AUTS2: variants seen among roughly 807,000 people sequenced by gnomAD.
AUTS2 encodes activator of transcription and developmental regulator AUTS2.
Under a neutral mutation model 112.4 loss-of-function variants are expected in AUTS2, and 17 were observed. The ratio of observed to expected loss-of-function variants is 0.15; its 90% CI spans 0.10 to 0.23. AUTS2 has a LOEUF of 0.23. Ranked by LOEUF, AUTS2 falls within the 10% of genes least tolerant of loss-of-function variation. AUTS2 has a pLI of 1.00. For missense variants in AUTS2, 1,510 were observed against 1,701.6 expected (o/e 0.89, Z 1.98); for synonymous variants, 751 against 702.7 (o/e 1.07, Z -1.09).
chr7:69,738,502 C>T (rs1235551103), intron 1 of AUTS2, among the ~76,000 whole-genome samples: 1 of 152,050 alleles, frequency 6.6e-6, no homozygotes, highest in African/African-American at 2.4e-5. Context: ...GCCATCTGTT[C>T]CCTCTCCCCA....
chr7:70,593,146 C>G (rs1212094962), intron 5 of AUTS2, among the ~76,000 whole-genome samples: 1 of 152,112 alleles, frequency 6.6e-6, no homozygotes, highest in Non-Finnish European at 1.5e-5. Flanking sequence ...ACCACCATGC[C>G]TGACCTGACT....
rs751414358 is a variant in AUTS2, at chr7:70,790,042, C to T, written c.2826C>T (p.Pro942=). ...EAKQLARVPS[P]YVRTPVVESA... ...AGCAGCTGGCCCGGGTGCCGTCTCCCTACGTGCGGACCCCGGTGGTGGAGA... is the reference window on the plus strand; with the variant it reads ...AGCAGCTGGCCCGGGTGCCGTCTCCTTACGTGCGGACCCCGGTGGTGGAGA... Residue 942 remains proline, a synonymous_variant, in exon 19 of 19, where the codon CCC becomes CCT. Transcript: ENST00000342771. This position sits in a 1 kb window ranked among gnomAD's most constrained non-coding sequence, Gnocchi z 7.6. 6.3e-7 allele frequency: 1 copy of T among 1,581,592 alleles called. No homozygotes were observed. The highest frequency in any genetic ancestry group is 8.6e-7 in the Non-Finnish European group (1 of 1,165,086).
chr7:69,734,655 T>C (rs1047263640), intron 1 of AUTS2, among the ~76,000 whole-genome samples: 6 of 151,614 alleles, frequency 4.0e-5, no homozygotes, highest in African/African-American at 1.2e-4. Flanking sequence ...GTTTTTTTTT[T>C]CCCCATAATG....
At chr7:69,825,822 C>G (rs572157664) in intron 1 of AUTS2, 1 of 152,332 alleles carries the variant, frequency 6.6e-6, no homozygotes, top group Non-Finnish European at 1.5e-5. Flanking sequence ...AGGCATAAAA[C>G]TGATCCTTGG....
chr7:69,716,707 A>G (rs1332499046), intron 1 of AUTS2, among the ~76,000 whole-genome samples: 4 of 152,084 alleles, frequency 2.6e-5, no homozygotes, highest in Admixed American at 6.6e-5. Flanking sequence ...CCGACTTCAG[A>G]CACCAATTGC....
At chr7:69,671,515 G>GTC (rs1796326464) in intron 1 of AUTS2, among the ~76,000 whole-genome samples, 2 of 151,698 alleles carry the variant, frequency 1.3e-5, no homozygotes, top group Middle Eastern at 3.4e-3. Flanking sequence ...GTGTGTGTGT[G>GTC]TGTGTGTGTC....
intron 1 of AUTS2, among the ~76,000 whole-genome samples, chr7:69,897,619 A>G (rs1794805903): frequency 6.6e-6 from 1 of 151,662 alleles, no homozygotes; most frequent in South Asian, 2.1e-4. Flanking sequence ...ATGGCTGGGT[A>G]TGGTGGCAGG....
chr7:70,313,778 G>T (rs865849641), intron 4 of AUTS2, among the ~76,000 whole-genome samples: 1 of 152,164 alleles, frequency 6.6e-6, no homozygotes, highest in Non-Finnish European at 1.5e-5. Flanking sequence ...AAATTGCAAA[G>T]AATTTCTACC....
chr7:70,153,738 A>G (rs1016275383), intron 4 of AUTS2, among the ~76,000 whole-genome samples: 2 of 152,224 alleles, frequency 1.3e-5, no homozygotes, highest in Admixed American at 6.5e-5. Flanking sequence ...ACAGCTACAC[A>G]CAAAACTTAC....
intron 5 of AUTS2, among the ~76,000 whole-genome samples, chr7:70,544,385 G>C (rs1349428218): frequency 6.6e-6 from 1 of 152,198 alleles, no homozygotes; most frequent in Non-Finnish European, 1.5e-5. Context: ...TGACAAATCT[G>C]TTTGTTGCTG....
intron 1 of AUTS2, among the ~76,000 whole-genome samples, chr7:69,687,484 A>G (rs867722682): frequency 6.6e-6 from 1 of 152,202 alleles, no homozygotes; most frequent in African/African-American, 2.4e-5. Flanking sequence ...ACAGGTTTTT[A>G]GGACTCCCCT....
At chr7:69,929,456 T>C (rs1176228554) in intron 2 of AUTS2, among the ~76,000 whole-genome samples, 3 of 152,066 alleles carry the variant, frequency 2.0e-5, no homozygotes, top group Non-Finnish European at 4.4e-5. Context: ...TTTCCCCTTC[T>C]CTTCTGCTTT....
At chr7:70,266,067 A>G (rs1023772849) in intron 4 of AUTS2, among the ~76,000 whole-genome samples, 4 of 152,224 alleles carry the variant, frequency 2.6e-5, no homozygotes, top group Non-Finnish European at 5.9e-5. Context: ...AAGAAAATAC[A>G]TGTTTCTACA....
At chr7:70,682,555 A>T (rs1808262971) in intron 5 of AUTS2, among the ~76,000 whole-genome samples, 1 of 152,174 alleles carries the variant, frequency 6.6e-6, no homozygotes. Context: ...TTCCTCCCAG[A>T]GGCAGGAACA....
chr7:70,661,334 G>T lies in AUTS2; in HGVS notation c.691-37235G>T, dbSNP rs1021251433. Among the ~76,000 whole-genome samples the T allele has an allele frequency of 2.0e-5, 3 of 152,158 alleles. No individual in the cohort carries two copies. In the South Asian group the frequency reaches 6.2e-4, roughly 32 times the overall value. ...ACAGGTAGAATTAGGTTGCAGGAAT[G>T]AGGGGAAGGTAGTCCCCTGGAAAAT... is the stretch of plus-strand genomic sequence containing the variant. On this transcript the variant is annotated intron_variant, in intron 5 of 18. Coordinates refer to ENST00000342771, the MANE Select transcript of AUTS2 (RefSeq NM_015570.4).
chr7:70,228,915 T>C (rs117214152), intron 4 of AUTS2, among the ~76,000 whole-genome samples: 2,030 of 152,078 alleles, frequency 0.013, 22 homozygotes, highest in Middle Eastern at 0.027. Context: ...ATGCTTACTG[T>C]TTCCATTACT....
chr7:70,544,776 G>C (rs940783705), intron 5 of AUTS2, among the ~76,000 whole-genome samples: 5 of 152,184 alleles, frequency 3.3e-5, no homozygotes, highest in African/African-American at 1.2e-4. Flanking sequence ...GGTTTCCCTT[G>C]AGATCTGAAT....
intron 6 of AUTS2, among the ~76,000 whole-genome samples, chr7:70,756,056 C>A (rs1206870027): frequency 6.6e-6 from 1 of 152,068 alleles, no homozygotes; most frequent in Non-Finnish European, 1.5e-5. Context: ...GAATTAAAGT[C>A]AATGTTTATT....
At chr7:70,119,782 G>A (rs925332304) in intron 3 of AUTS2, 3 of 150,282 alleles carry the variant, frequency 2.0e-5, no homozygotes, top group Admixed American at 6.7e-5. Context: ...CAGAGTGTCT[G>A]AGTATTAAGA....
Sources: gnomAD v4.1 joint callset for allele counts (sites outside exome capture counted in the v4.1 genomes callset) on GRCh38, gnomAD v4.1.1 for gene constraint, Gnocchi (gnomAD v3.1) non-coding constraint, MANE v1.5 for transcripts, NCBI Gene and HGNC (gene_info 2026-07-23, HGNC 2026-07-21) for gene names.